SYTL2: variants seen among roughly 807,000 people sequenced by gnomAD.
SYTL2 encodes synaptotagmin like 2, also known as synaptotagmin-like protein 2.
Under a neutral mutation model 198.7 loss-of-function variants are expected in SYTL2, and 165 were observed. The ratio of observed to expected loss-of-function variants is 0.83; its 90% confidence interval spans 0.73 to 0.94. The LOEUF is 0.94. SYTL2 is among the 40% of genes least tolerant of loss of function. SYTL2 has a pLI of 0.00. For missense variants in SYTL2, 2,835 were observed against 2,582.8 expected, an observed-to-expected ratio of 1.10 and a Z score of -2.12; for synonymous variants, 966 against 917.7, an observed-to-expected ratio of 1.05 and a Z score of -0.95.
rs1395884437 is a variant in SYTL2, at chr11:85,696,113, C to G, written c.6574+70G>C. On this transcript the variant is annotated intron_variant, in intron 19 of 19. Coordinates refer to ENST00000359152, the MANE Select transcript of SYTL2 (RefSeq NM_206927.4). ...CGGTTTTCACTGGGAAGAAGCAAAG[C>G]AACAAACAAACCTCTAGTATCTCTA... 2.3e-6 allele frequency: 3 copies of G among 1,299,240 alleles called. No individual in the cohort carries two copies. In the East Asian group the frequency reaches 6.9e-5, roughly 30 times the overall value. 80.5% of individuals were successfully genotyped at this position (1,299,240 alleles called of 1,614,324 possible).
At chr11:85,748,463 A>G in intron 2 of SYTL2, 40 bp from the exon 3 acceptor site, 2 of 1,607,502 alleles carry the variant, frequency 1.2e-6, no homozygotes, top group Middle Eastern at 1.7e-4. Flanking sequence ...GAGAACCCAC[A>G]GTAAATAAAT....
the SYTL2 span, among the ~76,000 whole-genome samples, chr11:85,830,650 A>G: frequency 2.0e-5 from 3 of 152,182 alleles, no homozygotes; most frequent in Non-Finnish European, 2.9e-5. Context: ...TCTCAGGGAC[A>G]TATTTCAAAC....
At chr11:85,782,357 C>G (rs1436411685) in intron 1 of SYTL2, among the ~76,000 whole-genome samples, 1 of 152,142 alleles carries the variant, frequency 6.6e-6, no homozygotes, top group African/African-American at 2.4e-5. Context: ...TGGACCCAGC[C>G]CAGGAAACCA....
At chr11:85,744,160 A>T (rs2090996470) in intron 4 of SYTL2, among the ~76,000 whole-genome samples, 1 of 152,088 alleles carries the variant, frequency 6.6e-6, no homozygotes, top group African/African-American at 2.4e-5. Context: ...GTGTTCCTGA[A>T]ATATCTTATA....
At chr11:85,801,909 G>A (rs1190843034) in intron 1 of SYTL2, among the ~76,000 whole-genome samples, 1 of 151,420 alleles carries the variant, frequency 6.6e-6, no homozygotes, top group Non-Finnish European at 1.5e-5. Context: ...CCACCTCCCA[G>A]GTTCAAGCGA....
At chr11:85,807,704 T>C (rs1003330665) in intron 1 of SYTL2, among the ~76,000 whole-genome samples, 5 of 152,164 alleles carry the variant, frequency 3.3e-5, no homozygotes, top group Non-Finnish European at 7.3e-5. Flanking sequence ...AGAGCTACCT[T>C]TTCTGTTATA....
At chr11:85,770,275 T>A (rs1304225524) in intron 1 of SYTL2, among the ~76,000 whole-genome samples, 2 of 152,302 alleles carry the variant, frequency 1.3e-5, no homozygotes, top group East Asian at 3.9e-4. Flanking sequence ...TAAAAACCAA[T>A]CATTGCCAGA....
At chr11:85,760,170 C>T (rs1254440961) in intron 1 of SYTL2, among the ~76,000 whole-genome samples, 1 of 152,192 alleles carries the variant, frequency 6.6e-6, no homozygotes, top group African/African-American at 2.4e-5. Context: ...ATTGCCTCTT[C>T]ATCCTGGGTT....
intron 7 of SYTL2, among the ~76,000 whole-genome samples, chr11:85,732,676 G>A (rs2089933870): frequency 6.6e-6 from 1 of 152,040 alleles, no homozygotes; most frequent in African/African-American, 2.4e-5. Flanking sequence ...AAACCACCAT[G>A]GCATGTGTAT....
At position 85,694,346 on chromosome 11, in the gene SYTL2, C is replaced by CATA. The variant is rs1397192575; in HGVS notation, c.*846_*848dup. ...TTACAAAATACGAAAATTTTACATACATAAGAAGAACAGTATAACTGAGCA... is the reference window on the plus strand; with the variant it reads ...TTACAAAATACGAAAATTTTACATACATAATAAGAAGAACAGTATAACTGAGCA... On this transcript the variant is annotated 3_prime_UTR_variant, in exon 20 of 20. Coordinates refer to ENST00000359152, the MANE Select transcript of SYTL2 (RefSeq NM_206927.4). The CATA allele has an allele frequency of 2.6e-5, 4 of 152,092 alleles. No homozygotes were observed. Among genetic ancestry groups the CATA allele is most frequent in the African/African-American group, 9.7e-5 (4 of 41,398 alleles). 9.4% of individuals were successfully genotyped at this position (152,092 alleles called of 1,614,324 possible).
chr11:85,771,914 A>ATT (rs1467721404), intron 1 of SYTL2, among the ~76,000 whole-genome samples: 1 of 151,478 alleles, frequency 6.6e-6, no homozygotes, highest in African/African-American at 2.4e-5. Context: ...ATATATATAT[A>ATT]TTTTTTGAGA....
chr11:85,730,735 T>C (rs2089725215), intron 7 of SYTL2, among the ~76,000 whole-genome samples: 1 of 152,144 alleles, frequency 6.6e-6, no homozygotes, highest in Non-Finnish European at 1.5e-5. Context: ...TATTGGAAGT[T>C]CTGGCTAGGA....
intron 1 of SYTL2, among the ~76,000 whole-genome samples, chr11:85,804,846 G>A (rs777379026): frequency 2.6e-5 from 4 of 152,102 alleles, no homozygotes; most frequent in African/African-American, 7.2e-5. Context: ...TTTGAATGCC[G>A]GTGGCTCCAA....
the SYTL2 span, among the ~76,000 whole-genome samples, chr11:85,834,027 C>T: frequency 6.6e-6 from 1 of 152,024 alleles, no homozygotes; most frequent in Non-Finnish European, 1.5e-5. Context: ...GTGTGAGCCA[C>T]CACAGCCAGC....
intron 1 of SYTL2, among the ~76,000 whole-genome samples, chr11:85,777,819 T>TTTTTG (rs2092480712): frequency 8.4e-6 from 1 of 118,548 alleles, no homozygotes; most frequent in African/African-American, 4.4e-5. Flanking sequence ...CTTCTTTTTT[T>TTTTTG]TTTTTTTTTT....
chr11:85,695,242 C>G lies in SYTL2; in HGVS notation c.6673G>C (p.Ala2225Pro), dbSNP rs1267608727. The G allele has an allele frequency of 6.2e-7, 1 of 1,612,870 alleles. No individual in the cohort carries two copies. The highest frequency in any genetic ancestry group is 8.5e-7 in the Non-Finnish European group (1 of 1,179,172). Residue 2225 changes from alanine to proline, a missense_variant, in exon 20 of 20, where the codon GCA becomes CCA. Transcript: ENST00000359152. ...MVNSPNTWIE[A>P]TLPLRMLLIA... is the part of the protein sequence containing the mutation. ...AAAAGCATTCTGAGAGGCAGTGTTG[C>G]TTCAATCCAAGTATTGGGGGAGTTT...
At chr11:85,847,649 T>C in the SYTL2 span, among the ~76,000 whole-genome samples, 1 of 152,218 alleles carries the variant, frequency 6.6e-6, no homozygotes, top group Non-Finnish European at 1.5e-5. Flanking sequence ...GTCAGTCTTT[T>C]AGGGTTAGCC....
chr11:85,778,270 C>G (rs2092493838), intron 1 of SYTL2, among the ~76,000 whole-genome samples: 1 of 152,180 alleles, frequency 6.6e-6, no homozygotes. Context: ...ACAATCCTCC[C>G]TCACCCTTAC....
the SYTL2 span, among the ~76,000 whole-genome samples, chr11:85,843,571 G>A: frequency 1.3e-5 from 2 of 152,074 alleles, no homozygotes; most frequent in African/African-American, 4.8e-5. Flanking sequence ...TGTGTGTGCA[G>A]GCTTGGAGCT....
Sources: gnomAD v4.1 joint callset for allele counts (sites outside exome capture counted in the v4.1 genomes callset) on GRCh38, gnomAD v4.1.1 for gene constraint, MANE v1.5 for transcripts, NCBI Gene and HGNC (gene_info 2026-07-23, HGNC 2026-07-21) for gene names.